The following SLA variants were observed in gnomAD, a reference collection of about 807,000 sequenced individuals.
The protein encoded by SLA is Src like adaptor, also known as src-like-adapter.
SLA carries 16 observed loss-of-function variants against 30.3 expected under a neutral mutation model. That is an observed-to-expected ratio of 0.53 (90% CI 0.36 to 0.80). SLA has a LOEUF of 0.80. SLA is among the 30% of genes least tolerant of loss of function. The pLI is 0.01. For synonymous variants in SLA, 143 were observed against 137.8 expected (o/e 1.04, Z -0.26); for missense variants, 310 against 345.2 (o/e 0.90, Z 0.81).
chr8:133,097,973 G>T (rs377622201), intron 1 of SLA, among the ~76,000 whole-genome samples: 2 of 152,064 alleles, frequency 1.3e-5, no homozygotes, highest in Admixed American at 6.6e-5. Context: ...TGTTGCAAGG[G>T]GGGGTGTCAA....
intron 2 of SLA, among the ~76,000 whole-genome samples, chr8:133,065,096 A>G (rs1030540443): frequency 1.3e-5 from 2 of 152,196 alleles, no homozygotes; most frequent in African/African-American, 4.8e-5. Flanking sequence ...CTTCTAAGGC[A>G]TGGAAGTGTG....
chr8:133,056,479 A>G (rs183408812), intron 3 of SLA, among the ~76,000 whole-genome samples: 9 of 152,216 alleles, frequency 5.9e-5, no homozygotes. Context: ...CCTCTTCCAG[A>G]GCATGGGGGC....
Position 133,044,969 on chromosome 8 carries a change from T to C in SLA, c.484+15A>G, listed in dbSNP as rs745411115. 5 of 1,613,804 alleles carry C rather than the reference T, an allele frequency of 3.1e-6. No individual in the cohort carries two copies. Among genetic ancestry groups the C allele is most frequent in the East Asian group, 2.2e-5 (1 of 44,896 alleles). Reference sequence around the variant, plus strand: ...GTCCCACCATCACAATCACTCCATATTGTATGTCTCTTACCAGAATAGTGG... The same window carrying C: ...GTCCCACCATCACAATCACTCCATACTGTATGTCTCTTACCAGAATAGTGG... On this transcript the variant is annotated intron_variant, in intron 7 of 8. Coordinates refer to ENST00000338087, the MANE Select transcript of SLA (RefSeq NM_001045556.3).
intron 7 of SLA, 104 bp from the exon 8 acceptor site, chr8:133,040,234 A>G (rs1352330586): frequency 5.5e-6 from 7 of 1,276,422 alleles, no homozygotes; most frequent in African/African-American, 1.5e-5. Context: ...GGCTGCTGCC[A>G]TGGGGAACTG....
chr8:133,045,387 C>CTT (rs5895172), intron 6 of SLA, among the ~76,000 whole-genome samples: 1,039 of 65,918 alleles, frequency 0.016, no homozygotes, highest in Non-Finnish European at 0.018. Flanking sequence ...ATCCTCTTTG[C>CTT]TTTTTTTTTT....
intron 3 of SLA, among the ~76,000 whole-genome samples, chr8:133,058,224 T>A (rs1680702062): frequency 6.6e-6 from 1 of 152,042 alleles, no homozygotes; most frequent in African/African-American, 2.4e-5. Flanking sequence ...TTAGGACCAA[T>A]GATCGGGGGA....
At chr8:133,088,303 A>G (rs1846943890) in intron 1 of SLA, among the ~76,000 whole-genome samples, 1 of 152,106 alleles carries the variant, frequency 6.6e-6, no homozygotes, top group Non-Finnish European at 1.5e-5. Flanking sequence ...CCACCCTTGC[A>G]AAAACCTTGC....
intron 3 of SLA, among the ~76,000 whole-genome samples, chr8:133,057,526 C>CATCATG (rs1841666437): frequency 6.6e-6 from 1 of 152,126 alleles, no homozygotes; most frequent in African/African-American, 2.4e-5. Flanking sequence ...TTTGCTGGTG[C>CATCATG]CTGCCCTGCA....
chr8:133,064,077 G>A (rs35143972), intron 2 of SLA: 3 of 152,164 alleles, frequency 2.0e-5, no homozygotes, highest in African/African-American at 7.2e-5. Flanking sequence ...GTGACTCTTA[G>A]GTTTCTGGGT....
At chr8:133,061,902 TAC>T (rs1842420117) in intron 2 of SLA, among the ~76,000 whole-genome samples, 1 of 152,204 alleles carries the variant, frequency 6.6e-6, no homozygotes, top group Non-Finnish European at 1.5e-5. Flanking sequence ...GTGAGACTCC[TAC>T]TATATTAAGA....
rs376711807 is a variant in SLA at position 133,070,029 on chromosome 8, A to AAAAAAAAAAAAAAAAAAAC, written c.-41+4823_-41+4824insGTTTTTTTTTTTTTTTTTT. Among the ~76,000 whole-genome samples, 8 of 109,812 alleles carry AAAAAAAAAAAAAAAAAAAC rather than the reference A, an allele frequency of 7.3e-5. 1 individual carries two copies. Among genetic ancestry groups the AAAAAAAAAAAAAAAAAAAC allele is most frequent in the African/African-American group, 3.1e-4 (8 of 25,790 alleles). The allele number at this position is 109,812 out of a possible 152,430, so 72.0% of individuals were successfully genotyped here. A position where few individuals can be genotyped will look rare whatever the true frequency, so the allele number is the denominator to read the frequency against. ...AAAAAAAAAAAAAAAAAAAAAAAGA[A>AAAAAAAAAAAAAAAAAAAC]AGAAAGAAAGAAAAGAAAAGAAGAA... On this transcript the variant is annotated intron_variant, in intron 2 of 8. Transcript: ENST00000338087.
At chr8:133,069,637 C>T (rs1454150344) in intron 2 of SLA, among the ~76,000 whole-genome samples, 1 of 152,092 alleles carries the variant, frequency 6.6e-6, no homozygotes, top group South Asian at 2.1e-4. Flanking sequence ...GAGCAGCCAG[C>T]AGGTTTGTTT....
Position 133,092,806 on chromosome 8 carries a change from G to A in SLA, c.-319+9747C>T, listed in dbSNP as rs150804151. The stretch of plus-strand genomic sequence containing the variant: ...CTTTAAAATGAAGGCTGAGTCAACC[G>A]TTGGCTTGCGTAAACACCAATTTTC... On this transcript the variant is annotated intron_variant, in intron 1 of 8. Coordinates refer to ENST00000338087, the MANE Select transcript of SLA (RefSeq NM_001045556.3). 1.5e-3 allele frequency among the ~76,000 whole-genome samples: 235 copies of A among 152,294 alleles called. 1 individual carries two copies. The highest frequency in any genetic ancestry group is 5.1e-3 in the African/African-American group (210 of 41,556).
At chr8:133,084,713 T>C (rs1846259080) in intron 1 of SLA, among the ~76,000 whole-genome samples, 1 of 152,206 alleles carries the variant, frequency 6.6e-6, no homozygotes. Flanking sequence ...CCTCTCCATT[T>C]CCCAGCAGAA....
intron 7 of SLA, among the ~76,000 whole-genome samples, chr8:133,042,032 C>T (rs1469084125): frequency 6.6e-6 from 1 of 151,812 alleles, no homozygotes; most frequent in East Asian, 1.9e-4. Context: ...CATGATCCAC[C>T]CACCTCAGCC....
At chr8:133,065,768 T>TAATAA (rs60174705) in intron 2 of SLA, among the ~76,000 whole-genome samples, 2,804 of 150,794 alleles carry the variant, frequency 0.019, 91 homozygotes, top group African/African-American at 0.058. Flanking sequence ...GTCTCAAAAA[T>TAATAA]AATAAAATAA....
At chr8:133,051,759 G>T (rs1840454939) in intron 3 of SLA, among the ~76,000 whole-genome samples, 1 of 152,152 alleles carries the variant, frequency 6.6e-6, no homozygotes, top group Non-Finnish European at 1.5e-5. Flanking sequence ...TAGATGCAGG[G>T]TAATATTTGG....
intron 2 of SLA, among the ~76,000 whole-genome samples, chr8:133,066,266 C>T (rs2131376223): frequency 7.2e-6 from 1 of 138,436 alleles, no homozygotes; most frequent in Admixed American, 7.9e-5. Flanking sequence ...GCAGAGCTTG[C>T]AGTGAGCTGA....
At chr8:133,053,319 G>A (rs375957754) in intron 3 of SLA, among the ~76,000 whole-genome samples, 19 of 152,316 alleles carry the variant, frequency 1.2e-4, no homozygotes, top group African/African-American at 3.8e-4. Context: ...TGTGAGTTCC[G>A]GGAGGGCAGA....
Sources: allele counts gnomAD v4.1 joint callset (sites outside exome capture counted in the v4.1 genomes callset), GRCh38; gene constraint gnomAD v4.1.1; transcripts MANE v1.5; gene names NCBI Gene and HGNC (gene_info 2026-07-23, HGNC 2026-07-21).